Variants in DGKB observed in about 807,000 individuals in gnomAD.
DGKB encodes 90 kDa diacylglycerol kinase.
A neutral mutation model predicts 114.3 loss-of-function variants in DGKB; 67 were observed. That is an observed-to-expected ratio of 0.59 (90% confidence interval 0.48 to 0.72). DGKB has a LOEUF of 0.72. Among genes scored for constraint, DGKB ranks in the 30% least tolerant of loss-of-function variants. The pLI, the probability that DGKB is intolerant of heterozygous loss-of-function variation, is 0.00. For synonymous variants in DGKB, 398 were observed against 323.1 expected (o/e 1.23, Z -2.49); for missense variants, 907 against 975.2 (o/e 0.93, Z 0.93).
chr7:14,751,245 A>G (rs1318635342), intron 4 of DGKB, among the ~76,000 whole-genome samples: 1 of 151,990 alleles, frequency 6.6e-6, no homozygotes, highest in East Asian at 1.9e-4. Context: ...TCACCTAAAA[A>G]CCCCAGCATT....
intron 22 of DGKB, among the ~76,000 whole-genome samples, chr7:14,342,285 G>A (rs924846640): frequency 2.0e-5 from 3 of 151,762 alleles, no homozygotes; most frequent in African/African-American, 7.3e-5. Context: ...CCAAAAGACT[G>A]AAATATCTAT....
At chr7:14,559,282 TG>T (rs1420656755) in intron 20 of DGKB, among the ~76,000 whole-genome samples, 5 of 152,216 alleles carry the variant, frequency 3.3e-5, no homozygotes, top group African/African-American at 9.6e-5. Context: ...CCAAGTTTAT[TG>T]AAGAATCTCT....
chr7:14,793,775 A>C (rs181765290), intron 2 of DGKB, among the ~76,000 whole-genome samples: 13 of 152,154 alleles, frequency 8.5e-5, no homozygotes, highest in Admixed American at 7.9e-4. Flanking sequence ...GAATACCCAG[A>C]TTAAGCGTTA....
At chr7:14,364,960 A>G (rs1389116528) in intron 21 of DGKB, among the ~76,000 whole-genome samples, 2 of 152,004 alleles carry the variant, frequency 1.3e-5, no homozygotes, top group African/African-American at 2.4e-5. Context: ...AAGTGAATAT[A>G]TTTGGTAGGC....
intron 20 of DGKB, among the ~76,000 whole-genome samples, chr7:14,510,756 TTAAA>T (rs1290240222): frequency 2.0e-5 from 3 of 152,236 alleles, no homozygotes; most frequent in Admixed American, 2.0e-4. Context: ...AATGTATTTC[TTAAA>T]TAATAAGATG....
chr7:14,931,140 C>G (rs965465283), intron 1 of DGKB, among the ~76,000 whole-genome samples: 1 of 138,806 alleles, frequency 7.2e-6, no homozygotes, highest in Non-Finnish European at 1.5e-5. Flanking sequence ...GAGATGGAGT[C>G]TCATCCTGTC....
intron 21 of DGKB, among the ~76,000 whole-genome samples, chr7:14,371,566 C>A (rs556307277): frequency 2.0e-5 from 3 of 152,094 alleles, no homozygotes; most frequent in East Asian, 3.9e-4. Flanking sequence ...AAATATTAGA[C>A]CTTTGTCAGA....
intron 21 of DGKB, among the ~76,000 whole-genome samples, chr7:14,461,163 C>A (rs1222524578): frequency 6.6e-6 from 1 of 152,066 alleles, no homozygotes; most frequent in Non-Finnish European, 1.5e-5. Flanking sequence ...GGTCTAAAAT[C>A]AACACCCTAA....
intron 23 of DGKB, among the ~76,000 whole-genome samples, chr7:14,337,100 C>A (rs1810816276): frequency 6.6e-6 from 1 of 151,880 alleles, no homozygotes; most frequent in Admixed American, 6.6e-5. Context: ...TTAGTATGGT[C>A]CTTAAGCTAA....
chr7:14,165,445 G>C (rs1002413100), intron 25 of DGKB, among the ~76,000 whole-genome samples: 1 of 152,092 alleles, frequency 6.6e-6, no homozygotes, highest in African/African-American at 2.4e-5. Flanking sequence ...GCGAATTCTA[G>C]CTATTTTTTA....
chr7:14,607,380 T>C (rs888985022), intron 17 of DGKB, 54 bp downstream of exon 17: 5 of 890,508 alleles, frequency 5.6e-6, no homozygotes, highest in Non-Finnish European at 9.3e-6. Flanking sequence ...GGCAGCTTAT[T>C]TAATTAATTA....
At chr7:14,337,374 C>T (rs551603884) in intron 23 of DGKB, among the ~76,000 whole-genome samples, 1 of 152,062 alleles carries the variant, frequency 6.6e-6, no homozygotes, top group Non-Finnish European at 1.5e-5. Flanking sequence ...CATGCTTGTA[C>T]TAATACAATT....
intron 1 of DGKB, among the ~76,000 whole-genome samples, chr7:14,945,741 A>G (rs547352961): frequency 6.6e-6 from 1 of 151,884 alleles, no homozygotes; most frequent in Non-Finnish European, 1.5e-5. Context: ...ATGAAAAAAC[A>G]AGGTAGAATC....
chr7:14,599,621 G>A (rs889249416), intron 17 of DGKB, among the ~76,000 whole-genome samples: 5 of 152,094 alleles, frequency 3.3e-5, no homozygotes, highest in Admixed American at 3.3e-4. Flanking sequence ...GCTAATATAT[G>A]TATATTTCAC....
intron 14 of DGKB, 27 bp from the exon 15 acceptor site, chr7:14,621,521 AT>A (rs1454348684): frequency 7.4e-7 from 1 of 1,353,492 alleles, no homozygotes. Flanking sequence ...TTTGATAAAA[AT>A]AAAAATTAGG....
At chr7:14,812,244 G>C (rs1168145298) in intron 2 of DGKB, among the ~76,000 whole-genome samples, 1 of 152,074 alleles carries the variant, frequency 6.6e-6, no homozygotes, top group Non-Finnish European at 1.5e-5. Flanking sequence ...ATGCTGCTTT[G>C]AACATAATTT....
chr7:14,496,045 A>G (rs895377476), intron 20 of DGKB, among the ~76,000 whole-genome samples: 2 of 151,902 alleles, frequency 1.3e-5, no homozygotes, highest in African/African-American at 2.4e-5. Context: ...CAGTGGAATA[A>G]TGACTTCCTT....
At chr7:14,455,983 G>T (rs1362517552) in intron 21 of DGKB, among the ~76,000 whole-genome samples, 1 of 151,948 alleles carries the variant, frequency 6.6e-6, no homozygotes, top group Non-Finnish European at 1.5e-5. Context: ...CCGTATACAG[G>T]TTTAGCATTT....
At chr7:14,391,851 G>T (rs529917136) in intron 21 of DGKB, among the ~76,000 whole-genome samples, 30 of 152,218 alleles carry the variant, frequency 2.0e-4, no homozygotes, top group African/African-American at 7.2e-4. Context: ...CTAAAATTGC[G>T]TTGGAATGAT....
Sources: allele counts gnomAD v4.1 joint callset (sites outside exome capture counted in the v4.1 genomes callset), GRCh38; gene constraint gnomAD v4.1.1; transcripts MANE v1.5; gene names NCBI Gene and HGNC (gene_info 2026-07-23, HGNC 2026-07-21).